The following HSPA12B variants were observed in gnomAD, a reference collection of about 807,000 sequenced individuals.
HSPA12B encodes heat shock protein family A (Hsp70) member 12B.
A neutral mutation model predicts 69.3 loss-of-function variants in HSPA12B; 54 were observed. That is an observed-to-expected ratio of 0.78 (90% CI 0.63 to 0.98). The LOEUF is 0.98. HSPA12B is among the 50% of genes least tolerant of loss of function. HSPA12B has a pLI of 0.00. For missense variants in HSPA12B, 929 were observed against 999.8 expected, an observed-to-expected ratio of 0.93 and a Z score of 0.96; for synonymous variants, 441 against 436.5, an observed-to-expected ratio of 1.01 and a Z score of -0.13.
At chr20:3,746,187 A>G (rs1438118619) in intron 7 of HSPA12B, among the ~76,000 whole-genome samples, 156 bp downstream of exon 7, 1 of 151,970 alleles carries the variant, frequency 6.6e-6, no homozygotes, top group Non-Finnish European at 1.5e-5. Context: ...CTCCCACCAG[A>G]AGAGGGAGTG....
In HSPA12B at chr20:3,749,717, C is replaced by T. The variant is rs1277327511; in HGVS notation, c.938-33C>T. Reference sequence around the variant, plus strand: ...GCGCAGGGCTGAGGGTGCGAGGCCGCCCACGAGTGTGTGCCCGCGCTCGCC... The same window carrying T: ...GCGCAGGGCTGAGGGTGCGAGGCCGTCCACGAGTGTGTGCCCGCGCTCGCC... On this transcript the variant is annotated intron_variant, in intron 9 of 12. Transcript: ENST00000254963. This position sits in a 1 kb window ranked among gnomAD's most constrained non-coding sequence, Gnocchi z 5.5. 5.4e-6 allele frequency: 8 copies of T among 1,485,884 alleles called. No individual in the cohort carries two copies. In the Admixed American group the frequency reaches 1.6e-4, roughly 30 times the overall value. 92.0% of individuals were successfully genotyped at this position (1,485,884 alleles called of 1,614,324 possible).
chr20:3,750,672 G>C, intron 11 of HSPA12B, 132 bp from the exon 12 acceptor site: 1 of 1,561,924 alleles, frequency 6.4e-7, no homozygotes, highest in Non-Finnish European at 8.7e-7. Flanking sequence ...CAGTCCTCCA[G>C]ACACCACGTG....
intron 1 of HSPA12B, among the ~76,000 whole-genome samples, chr20:3,736,496 A>C (rs762338567): frequency 6.6e-6 from 1 of 152,202 alleles, no homozygotes; most frequent in Non-Finnish European, 1.5e-5. Context: ...GCATGTGTCT[A>C]TGGGCATGCC....
At chr20:3,742,980 TCTCCTGC>T in intron 4 of HSPA12B, among the ~76,000 whole-genome samples, 1 of 151,928 alleles carries the variant, frequency 6.6e-6, no homozygotes, top group Non-Finnish European at 1.5e-5. Context: ...TTCATGCCAT[TCTCCTGC>T]CTCAGCCTCT....
At chr20:3,736,579 T>C (rs1445493515) in intron 1 of HSPA12B, among the ~76,000 whole-genome samples, 1 of 152,238 alleles carries the variant, frequency 6.6e-6, no homozygotes, top group Admixed American at 6.5e-5. Flanking sequence ...AGAGAAGGAA[T>C]GCATTGGCCC....
chr20:3,750,142 C>T lies in HSPA12B; in HGVS notation c.1216C>T (p.Leu406Phe). The change falls in exon 11 of 13, where the codon CTC becomes TTC. Residue 406 changes from leucine (L) to phenylalanine (F), a missense_variant. This residue lies in a region of HSPA12B where 448 missense variants were observed against 448.1 expected (regional missense o/e 1.00). Coordinates refer to ENST00000254963, the MANE Select transcript of HSPA12B (RefSeq NM_052970.5). ...RTAGPHRAGA[L>F]NISLPFSFID... ...TGCTGGCCCACACCGTGCAGGGGCGCTCAACATCTCGCTGCCCTTCTCCTT... is the reference window on the plus strand; with the variant it reads ...TGCTGGCCCACACCGTGCAGGGGCGTTCAACATCTCGCTGCCCTTCTCCTT... 1 of 1,611,816 alleles carries T rather than the reference C, an allele frequency of 6.2e-7. No individual in the cohort carries two copies. Among genetic ancestry groups the T allele is most frequent in the South Asian group, 1.1e-5 (1 of 90,910 alleles).
chr20:3,751,387 C>T (rs2088417282), intron 12 of HSPA12B, 124 bp from the exon 13 acceptor site: 1 of 1,342,280 alleles, frequency 7.5e-7, no homozygotes, highest in Non-Finnish European at 9.5e-7. Flanking sequence ...TTCTAGTCGC[C>T]AGGTAGGTAC....
rs1375323822 is a variant in HSPA12B at position 3,740,529 on chromosome 20, C to T, written c.44-286C>T. ...CCACACAATGCTTTTCTGTCTCTCT[C>T]CCCTCCCACACTGTGTGTCTGAGGG... is the stretch of plus-strand genomic sequence containing the variant. On this transcript the variant is annotated intron_variant, in intron 2 of 12. Transcript: ENST00000254963. This position sits in a 1 kb window ranked among gnomAD's most constrained non-coding sequence, Gnocchi z 4.9. Among the ~76,000 whole-genome samples, 1 of 152,204 alleles carries T rather than the reference C, an allele frequency of 6.6e-6. No homozygotes were observed. Among genetic ancestry groups the T allele is most frequent in the Non-Finnish European group, 1.5e-5 (1 of 68,030 alleles).
rs748963957 is a variant in HSPA12B, at chr20:3,751,940, C to G, written c.1835C>G (p.Ala612Gly). 1 of 1,587,062 alleles carries G rather than the reference C, an allele frequency of 6.3e-7. No homozygotes were observed. The highest frequency in any genetic ancestry group is 8.5e-7 in the Non-Finnish European group (1 of 1,171,730). Residue 612 changes from alanine to glycine, a missense_variant, in exon 13 of 13, where the codon GCG (alanine) becomes GGG (glycine). Ala to Gly is a moderately conservative substitution (Grantham distance 60). This residue lies in a region of HSPA12B where 448 missense variants were observed against 448.1 expected (regional missense o/e 1.00). Coordinates refer to ENST00000254963, the MANE Select transcript of HSPA12B (RefSeq NM_052970.5). ...GTACTCATCAACCTGTACTGCTGCG[C>G]GGCAGAGGATGCGCGCTTCATCACC... ...RRVLINLYCC[A>G]AEDARFITDP... is the part of the protein sequence containing the mutation.
intron 12 of HSPA12B, 135 bp from the exon 13 acceptor site, chr20:3,751,376 T>G (rs1402919902): frequency 7.4e-7 from 1 of 1,344,296 alleles, no homozygotes; most frequent in African/African-American, 1.5e-5. Context: ...AAATGGCTAC[T>G]TTCTAGTCGC....
Position 3,750,074 on chromosome 20 carries a change from C to T in HSPA12B, c.1148C>T (p.Ala383Val). The change falls in exon 11 of 13, where the codon GCC (alanine) becomes GTC (valine). Residue 383 changes from alanine (A) to valine (V), a missense_variant. By Grantham distance (64) the Ala-to-Val change is moderately conservative. This residue lies in a region of HSPA12B where 477 missense variants were observed against 535.2 expected (regional missense o/e 0.89). Coordinates refer to ENST00000254963, the MANE Select transcript of HSPA12B (RefSeq NM_052970.5). ...ACCTTCAAAAGGCAACGGCCGGCAG[C>T]CTGGGTAGATCTGACCATCGCCTTC... ...IATFKRQRPAAWVDLTIAFEA... is the reference protein window; with the variant it reads ...IATFKRQRPAVWVDLTIAFEA... 6.2e-7 allele frequency: 1 copy of T among 1,611,942 alleles called. No homozygotes were observed. The highest frequency in any genetic ancestry group is 1.1e-5 in the South Asian group (1 of 90,904).
Position 3,744,943 on chromosome 20 carries a change from C to T in HSPA12B, c.308C>T (p.Thr103Ile). 1 of 1,613,714 alleles carries T rather than the reference C, an allele frequency of 6.2e-7. No homozygotes were observed. Among genetic ancestry groups the T allele is most frequent in the Non-Finnish European group, 8.5e-7 (1 of 1,180,026 alleles). ...GGDPGVAHQK[T>I]PTCLLLTPEG... is the part of the protein sequence containing the mutation. ...GACCCGGGCGTGGCCCACCAGAAGACCCCGACCTGCCTGCTGCTGACTCCG... is the reference window on the plus strand; with the variant it reads ...GACCCGGGCGTGGCCCACCAGAAGATCCCGACCTGCCTGCTGCTGACTCCG... Residue 103 changes from threonine to isoleucine, a missense_variant, in exon 5 of 13, where the codon ACC becomes ATC. Coordinates refer to ENST00000254963, the MANE Select transcript of HSPA12B (RefSeq NM_052970.5). This position sits in a 1 kb window ranked among gnomAD's most constrained non-coding sequence, Gnocchi z 4.9.
In HSPA12B at chr20:3,738,556, A is replaced by G; in HGVS notation, c.-17-102A>G. 6 of 1,116,596 alleles carry G rather than the reference A, an allele frequency of 5.4e-6. No individual in the cohort carries two copies. In the South Asian group the frequency reaches 5.4e-5, roughly 10 times the overall value. The allele number at this position is 1,116,596 out of a possible 1,614,324, so 69.2% of individuals were successfully genotyped here. A position where few individuals can be genotyped will look rare whatever the true frequency, so the allele number is the denominator to read the frequency against. On this transcript the variant is annotated intron_variant, in intron 1 of 12. Transcript: ENST00000254963. ...AACATGATGGCTGGGATTTGCTTCA[A>G]AGGACTCCAGCCAAAAGTAAACAAA...
At chr20:3,742,448 G>A (rs751405918) in intron 4 of HSPA12B, 40 bp downstream of exon 4, 1 of 1,503,710 alleles carries the variant, frequency 6.7e-7, no homozygotes, top group East Asian at 2.3e-5. Context: ...TGGGGAAGGT[G>A]GGGAGTTCCT....
chr20:3,751,394 G>A, intron 12 of HSPA12B, 117 bp from the exon 13 acceptor site: 1 of 1,353,628 alleles, frequency 7.4e-7, no homozygotes, highest in Non-Finnish European at 9.4e-7. Context: ...CGCCAGGTAG[G>A]TACAGGCTAG....
chr20:3,742,540 C>A (rs1209444862), intron 4 of HSPA12B, 132 bp downstream of exon 4: 2 of 686,132 alleles, frequency 2.9e-6, no homozygotes, highest in Non-Finnish European at 4.8e-6. Flanking sequence ...GGGCTCCCCA[C>A]TGGGGTAAAA....
chr20:3,736,820 C>T (rs985167070), intron 1 of HSPA12B, among the ~76,000 whole-genome samples: 4 of 152,098 alleles, frequency 2.6e-5, no homozygotes, highest in African/African-American at 7.2e-5. Flanking sequence ...GCCAGGAGTT[C>T]GAGACCAGCC....
intron 8 of HSPA12B, among the ~76,000 whole-genome samples, chr20:3,748,839 C>T (rs1715439153): frequency 6.6e-6 from 1 of 152,124 alleles, no homozygotes. Context: ...GCTGCCAGGA[C>T]CAGGCACCCA....
chr20:3,748,864 AT>A, intron 8 of HSPA12B, among the ~76,000 whole-genome samples: 1 of 152,180 alleles, frequency 6.6e-6, no homozygotes, highest in Non-Finnish European at 1.5e-5. Context: ...AAGGACAGCT[AT>A]GGTCATCCTC....
Sources: allele counts gnomAD v4.1 joint callset (sites outside exome capture counted in the v4.1 genomes callset), GRCh38; gene constraint gnomAD v4.1.1; regional missense constraint gnomAD v4.1.1; non-coding constraint Gnocchi (gnomAD v3.1); transcripts MANE v1.5; gene names NCBI Gene and HGNC (gene_info 2026-07-23, HGNC 2026-07-21).